PDE3A: variants seen among roughly 807,000 people sequenced by gnomAD.
PDE3A encodes the protein phosphodiesterase 3A.
In PDE3A, 43 loss-of-function variants were observed where a neutral mutation model predicts 98.3. The observed-to-expected ratio is 0.44, with a 90% confidence interval of 0.34 to 0.56. PDE3A has a LOEUF of 0.56. PDE3A is among the 20% of genes least tolerant of loss of function. The probability of loss-of-function intolerance (pLI) is 0.01; values close to 1 mark genes in which losing one functional copy is unlikely to be tolerated. For missense variants in PDE3A, 1,427 were observed against 1,440.7 expected, an observed-to-expected ratio of 0.99 and a Z score of 0.15; for synonymous variants, 663 against 567.9, an observed-to-expected ratio of 1.17 and a Z score of -2.38.
intron 2 of PDE3A, among the ~76,000 whole-genome samples, chr12:20,564,686 C>G (rs1047763958): frequency 6.6e-6 from 1 of 152,112 alleles, no homozygotes; most frequent in African/African-American, 2.4e-5. Flanking sequence ...AGGCCCTGGT[C>G]TCTTAAAAGA....
intron 15 of PDE3A, among the ~76,000 whole-genome samples, chr12:20,670,076 C>T (rs1592168861): frequency 6.7e-6 from 1 of 149,138 alleles, no homozygotes; most frequent in East Asian, 2.0e-4. Flanking sequence ...GACTTTAAAC[C>T]AACAAAGATC....
chr12:20,590,310 C>T (rs1182130613), intron 2 of PDE3A, among the ~76,000 whole-genome samples: 1 of 149,988 alleles, frequency 6.7e-6, no homozygotes, highest in Non-Finnish European at 1.5e-5. Context: ...GAAGCACCTT[C>T]CAACTTCCTC....
At chr12:20,460,963 A>T (rs1945238096) in intron 1 of PDE3A, among the ~76,000 whole-genome samples, 1 of 152,186 alleles carries the variant, frequency 6.6e-6, no homozygotes, top group African/African-American at 2.4e-5. Context: ...TACCTGAGTA[A>T]TGCATACCTA....
At chr12:20,425,170 G>C (rs915904888) in intron 1 of PDE3A, among the ~76,000 whole-genome samples, 1 of 152,116 alleles carries the variant, frequency 6.6e-6, no homozygotes, top group African/African-American at 2.4e-5. Context: ...GATTGGCCTC[G>C]GTGACCAATA....
intron 2 of PDE3A, among the ~76,000 whole-genome samples, chr12:20,569,133 T>A (rs1365309471): frequency 6.6e-6 from 1 of 152,052 alleles, no homozygotes; most frequent in Admixed American, 6.6e-5. Flanking sequence ...AGTAAGATAT[T>A]TTATTAACAT....
At chr12:20,675,021 C>A (rs970550778) in intron 15 of PDE3A, among the ~76,000 whole-genome samples, 4 of 151,742 alleles carry the variant, frequency 2.6e-5, no homozygotes, top group Admixed American at 6.6e-5. Context: ...CCTTGAGGTG[C>A]ATTATTAGGT....
intron 1 of PDE3A, among the ~76,000 whole-genome samples, chr12:20,555,086 C>A (rs1221808017): frequency 6.6e-6 from 1 of 151,892 alleles, no homozygotes; most frequent in Admixed American, 6.6e-5. Flanking sequence ...CAGTGGCGTG[C>A]GATCTTGGGT....
At chr12:20,492,750 C>T (rs1945851352) in intron 1 of PDE3A, among the ~76,000 whole-genome samples, 1 of 152,094 alleles carries the variant, frequency 6.6e-6, no homozygotes, top group South Asian at 2.1e-4. Flanking sequence ...CCTCAACCTC[C>T]TTTCTTTTAT....
At position 20,687,828 on chromosome 12, in the gene PDE3A, G is replaced by C. The variant is rs774704081; in HGVS notation, c.*7557G>C. ...GAGTGTTTTAGGTTTTGGTTGGTTTGAATAATTTGATTTGCATTTTGGTAT... is the reference window on the plus strand; with the variant it reads ...GAGTGTTTTAGGTTTTGGTTGGTTTCAATAATTTGATTTGCATTTTGGTAT... On this transcript the variant is annotated 3_prime_UTR_variant, in exon 16 of 16. Coordinates refer to ENST00000359062, the MANE Select transcript of PDE3A (RefSeq NM_000921.5). 3.5e-5 allele frequency among the ~76,000 whole-genome samples: 5 copies of C among 142,580 alleles called. No homozygotes were observed. The highest frequency in any genetic ancestry group is 5.2e-5 in the African/African-American group (2 of 38,622). The allele number at this position is 142,580 out of a possible 152,430, so 93.5% of individuals were successfully genotyped here. A position where few individuals can be genotyped will look rare whatever the true frequency, so the allele number is the denominator to read the frequency against.
chr12:20,551,563 C>T, intron 1 of PDE3A: 1 of 1,497,726 alleles, frequency 6.7e-7, no homozygotes, highest in South Asian at 1.2e-5. Flanking sequence ...TTACGCGACC[C>T]CCGAGCGGGT....
At chr12:20,391,356 CAT>C (rs920270804) in intron 1 of PDE3A, among the ~76,000 whole-genome samples, 4 of 141,260 alleles carry the variant, frequency 2.8e-5, no homozygotes, top group East Asian at 2.0e-4. Context: ...ATATATATAA[CAT>C]ATATATTCTC....
At chr12:20,469,845 A>G (rs1945405872) in intron 1 of PDE3A, among the ~76,000 whole-genome samples, 1 of 152,224 alleles carries the variant, frequency 6.6e-6, no homozygotes, top group Admixed American at 6.5e-5. Flanking sequence ...TAACAGTGCT[A>G]TAACTGTAAA....
intron 1 of PDE3A, among the ~76,000 whole-genome samples, chr12:20,399,116 T>C (rs937421537): frequency 2.0e-5 from 3 of 152,206 alleles, no homozygotes; most frequent in Non-Finnish European, 4.4e-5. Context: ...CATAATGTCT[T>C]CAGAGTTCAT....
chr12:20,676,018 G>A (rs1217372893), intron 15 of PDE3A, among the ~76,000 whole-genome samples: 1 of 152,004 alleles, frequency 6.6e-6, no homozygotes, highest in East Asian at 1.9e-4. Context: ...CTGTCATTTT[G>A]TTAATTGATT....
chr12:20,575,693 AG>A, intron 2 of PDE3A, among the ~76,000 whole-genome samples: 1 of 152,176 alleles, frequency 6.6e-6, no homozygotes, highest in East Asian at 1.9e-4. Flanking sequence ...ATTCTGAGTT[AG>A]GTCACAAGGT....
At chr12:20,639,335 C>A (rs55668478) in intron 9 of PDE3A, among the ~76,000 whole-genome samples, 1,591 of 152,134 alleles carry the variant, frequency 0.01, 30 homozygotes, top group African/African-American at 0.036. Context: ...GTTCCAAAAA[C>A]AGAGTAATAT....
At chr12:20,592,312 G>A (rs1943357362) in intron 2 of PDE3A, among the ~76,000 whole-genome samples, 1 of 152,128 alleles carries the variant, frequency 6.6e-6, no homozygotes, top group Admixed American at 6.5e-5. Flanking sequence ...GGAACAGAGA[G>A]ATTGACTCTA....
At chr12:20,677,039 A>G (rs1343087926) in intron 15 of PDE3A, among the ~76,000 whole-genome samples, 2 of 152,008 alleles carry the variant, frequency 1.3e-5, no homozygotes, top group Non-Finnish European at 2.9e-5. Context: ...ATTATTTTTT[A>G]TGTTTTTAGT....
At chr12:20,604,570 G>A (rs1419697835) in intron 2 of PDE3A, among the ~76,000 whole-genome samples, 4 of 151,946 alleles carry the variant, frequency 2.6e-5, no homozygotes, top group Admixed American at 6.6e-5. Flanking sequence ...CTTTAACACC[G>A]CAATTACATT....
Sources: allele counts gnomAD v4.1 joint callset (sites outside exome capture counted in the v4.1 genomes callset), GRCh38; gene constraint gnomAD v4.1.1; transcripts MANE v1.5; gene names NCBI Gene and HGNC (gene_info 2026-07-23, HGNC 2026-07-21).